KIAA0232: variants seen among roughly 807,000 people sequenced by gnomAD.
KIAA0232 encodes uncharacterized protein KIAA0232.
Under a neutral mutation model 122.0 loss-of-function variants are expected in KIAA0232, and 27 were observed. That is an observed-to-expected ratio of 0.22 (90% CI 0.16 to 0.31). KIAA0232 has a LOEUF of 0.31. Ranked by LOEUF, KIAA0232 falls within the 10% of genes least tolerant of loss-of-function variation. The pLI is 1.00. For missense variants in KIAA0232, 1,551 were observed against 1,634.2 expected (o/e 0.95, Z 0.88); for synonymous variants, 613 against 587.6 (o/e 1.04, Z -0.63).
At chr4:6,790,711 A>T (rs1222076380) in intron 1 of KIAA0232, among the ~76,000 whole-genome samples, 2 of 151,712 alleles carry the variant, frequency 1.3e-5, no homozygotes, top group Admixed American at 1.3e-4. Flanking sequence ...TCTGATTAGT[A>T]TGTTGCTCCT....
intron 2 of KIAA0232, among the ~76,000 whole-genome samples, chr4:6,816,352 G>A (rs1718126621): frequency 6.7e-6 from 1 of 150,134 alleles, no homozygotes; most frequent in Non-Finnish European, 1.5e-5. Flanking sequence ...GCGTGATCTC[G>A]GCTCACTGCA....
intron 9 of KIAA0232, among the ~76,000 whole-genome samples, chr4:6,880,254 T>TC (rs1456522389): frequency 3.3e-5 from 2 of 60,798 alleles, no homozygotes; most frequent in Admixed American, 1.2e-4. Flanking sequence ...GTCTGCAGTG[T>TC]CCCCTCACCA....
rs1720465178 is a variant in KIAA0232, at chr4:6,854,415, TCTC to T, written c.370-2748_370-2746del. On this transcript the variant is annotated intron_variant, in intron 4 of 9. Coordinates refer to ENST00000307659, the MANE Select transcript of KIAA0232 (RefSeq NM_014743.3). ...CCAAATACATTCCACTGAGTCCTCT[TCTC>T]AGAGAAATTAGAGTGATTATCATGT... Among the ~76,000 whole-genome samples, 6 of 152,296 alleles carry T rather than the reference TCTC, an allele frequency of 3.9e-5. No homozygotes were observed. The East Asian group carries it at 1.2e-3, about 29-fold the overall frequency.
At chr4:6,792,341 G>A (rs1025606293) in intron 1 of KIAA0232, among the ~76,000 whole-genome samples, 1 of 152,008 alleles carries the variant, frequency 6.6e-6, no homozygotes, top group Non-Finnish European at 1.5e-5. Context: ...TTGTACATAT[G>A]TCTTAGTGAA....
intron 1 of KIAA0232, among the ~76,000 whole-genome samples, chr4:6,791,037 G>C (rs1716870383): frequency 1.3e-5 from 2 of 149,164 alleles, no homozygotes; most frequent in Admixed American, 1.4e-4. Flanking sequence ...TCCTGCCTTG[G>C]CCTCCTGAGT....
chr4:6,810,290 G>C (rs778276093), intron 2 of KIAA0232, among the ~76,000 whole-genome samples: 1 of 152,130 alleles, frequency 6.6e-6, no homozygotes, highest in Non-Finnish European at 1.5e-5. Flanking sequence ...ATAGCCAACT[G>C]ATCTTTGACA....
intron 3 of KIAA0232, among the ~76,000 whole-genome samples, chr4:6,833,578 C>G (rs1045358662): frequency 8.6e-5 from 13 of 151,846 alleles, no homozygotes; most frequent in Non-Finnish European, 1.9e-4. Flanking sequence ...CTGCAGTGAG[C>G]CATGATTGTG....
chr4:6,824,089 A>T, intron 2 of KIAA0232, 96 bp from the exon 3 acceptor site: 1 of 408,916 alleles, frequency 2.4e-6, no homozygotes, highest in East Asian at 3.5e-5. Context: ...ATATTTTAAT[A>T]AAGAGGGACA....
In KIAA0232 at chr4:6,861,058, A is replaced by G. The variant is rs1472088658; in HGVS notation, c.676A>G (p.Asn226Asp). The G allele has an allele frequency of 1.9e-6, 3 of 1,614,216 alleles. No homozygotes were observed. Among genetic ancestry groups the G allele is most frequent in the African/African-American group, 2.7e-5 (2 of 75,056 alleles). Residue 226 changes from asparagine to aspartate, a missense_variant, in exon 7 of 10, where the codon AAC (asparagine) becomes GAC (aspartate). Physicochemically the swap from Asn to Asp is conservative, Grantham distance 23. Coordinates refer to ENST00000307659, the MANE Select transcript of KIAA0232 (RefSeq NM_014743.3). ...STDTSSPKDC[N>D]SESEVTKERS... ...AGATACTTCCTCTCCTAAGGACTGC[A>G]ACAGTGAAAGTGAAGTCACCAAGGA...
chr4:6,867,636 T>A (rs1465560572), intron 7 of KIAA0232, among the ~76,000 whole-genome samples: 1 of 152,188 alleles, frequency 6.6e-6, no homozygotes, highest in African/African-American at 2.4e-5. Flanking sequence ...CTCACTGTGC[T>A]GTGGAGGTCA....
Position 6,881,559 on chromosome 4 carries a change from CTT to C in KIAA0232, c.*594_*595del, listed in dbSNP as rs1722073841. ...ACTCACCAAATACTGTGTTTTCTCTCTTAGGATTTCTTTTCCCCTAAAGTATC... is the reference window on the plus strand; with the variant it reads ...ACTCACCAAATACTGTGTTTTCTCTCAGGATTTCTTTTCCCCTAAAGTATC... On this transcript the variant is annotated 3_prime_UTR_variant, in exon 10 of 10. Transcript: ENST00000307659. The C allele has an allele frequency of 6.5e-6, 1 of 152,718 alleles. No homozygotes were observed. Among genetic ancestry groups the C allele is most frequent in the African/African-American group, 2.4e-5 (1 of 41,568 alleles). 9.5% of individuals were successfully genotyped at this position (152,718 alleles called of 1,614,324 possible).
intron 8 of KIAA0232, among the ~76,000 whole-genome samples, chr4:6,874,364 G>T (rs963980538): frequency 1.3e-5 from 2 of 152,180 alleles, no homozygotes; most frequent in East Asian, 1.9e-4. Flanking sequence ...GCAGGGACAG[G>T]AATGCATTGG....
At chr4:6,837,165 C>A (rs979474430) in intron 3 of KIAA0232, among the ~76,000 whole-genome samples, 2 of 151,200 alleles carry the variant, frequency 1.3e-5, no homozygotes, top group Non-Finnish European at 3.0e-5. Context: ...GGCCGGCTGG[C>A]GGGGCGGAGG....
chr4:6,858,589 T>A, intron 6 of KIAA0232, 83 bp downstream of exon 6: 1 of 857,986 alleles, frequency 1.2e-6, no homozygotes, highest in Non-Finnish European at 1.8e-6. Context: ...GTTTTCTGTT[T>A]GTCATCTTGT....
At chr4:6,820,099 A>G (rs919428357) in intron 2 of KIAA0232, among the ~76,000 whole-genome samples, 1 of 152,140 alleles carries the variant, frequency 6.6e-6, no homozygotes, top group African/African-American at 2.4e-5. Flanking sequence ...AGACTGCTAT[A>G]GTGATGAGGG....
intron 3 of KIAA0232, among the ~76,000 whole-genome samples, chr4:6,827,984 A>G (rs1001067257): frequency 6.6e-6 from 1 of 152,050 alleles, no homozygotes; most frequent in African/African-American, 2.4e-5. Context: ...TTTCTCACCC[A>G]TCTTTCAAAG....
intron 4 of KIAA0232, among the ~76,000 whole-genome samples, chr4:6,853,955 G>A (rs1323313341): frequency 7.2e-5 from 11 of 152,130 alleles, no homozygotes; most frequent in South Asian, 6.2e-4. Context: ...CCCACAGCCA[G>A]GAGCAGAGAG....
At position 6,883,162 on chromosome 4, in the gene KIAA0232, G is replaced by A. The variant is rs1374134273; in HGVS notation, c.*2196G>A. ...GTGAATGGATGATCACAAAGAAAAAGCATTTTTAAAAAGTTGGCAAACGCT... is the reference window on the plus strand; with the variant it reads ...GTGAATGGATGATCACAAAGAAAAAACATTTTTAAAAAGTTGGCAAACGCT... On this transcript the variant is annotated 3_prime_UTR_variant, in exon 10 of 10. Transcript: ENST00000307659. The A allele has an allele frequency of 2.0e-5, 3 of 152,670 alleles. No individual in the cohort carries two copies. The highest frequency in any genetic ancestry group is 7.2e-5 in the African/African-American group (3 of 41,478). The allele number at this position is 152,670 out of a possible 1,614,324, so 9.5% of individuals were successfully genotyped here. A position where few individuals can be genotyped will look rare whatever the true frequency, so the allele number is the denominator to read the frequency against.
intron 2 of KIAA0232, among the ~76,000 whole-genome samples, chr4:6,809,260 C>G (rs923533373): frequency 5.3e-5 from 8 of 152,204 alleles, no homozygotes; most frequent in Non-Finnish European, 8.8e-5. Flanking sequence ...TTAACAGCCT[C>G]ATATTCTACC....
Sources: allele counts gnomAD v4.1 joint callset (sites outside exome capture counted in the v4.1 genomes callset), GRCh38; gene constraint gnomAD v4.1.1; transcripts MANE v1.5; gene names NCBI Gene and HGNC (gene_info 2026-07-23, HGNC 2026-07-21).